BCAR3: variants seen among roughly 807,000 people sequenced by gnomAD.
BCAR3 encodes the protein breast cancer anti-estrogen resistance protein 3.
In BCAR3, 37 loss-of-function variants were observed where a neutral mutation model predicts 80.1. The ratio of observed to expected loss-of-function variants is 0.46; its 90% confidence interval spans 0.36 to 0.61. BCAR3 has a LOEUF of 0.61. BCAR3 is among the 20% of genes least tolerant of loss of function. The pLI, the probability that BCAR3 is intolerant of heterozygous loss-of-function variation, is 0.00. For synonymous variants in BCAR3, 389 were observed against 418.9 expected (o/e 0.93, Z 0.87); for missense variants, 978 against 1,068.2 (o/e 0.92, Z 1.18).
intron 3 of BCAR3, among the ~76,000 whole-genome samples, chr1:93,619,287 A>C (rs1246758661): frequency 6.6e-6 from 1 of 151,982 alleles, no homozygotes; most frequent in African/African-American, 2.4e-5. Flanking sequence ...GATAAGTGGA[A>C]AAGAGGGATG....
At chr1:93,784,787 A>G (rs1335151692) in intron 2 of BCAR3, among the ~76,000 whole-genome samples, 2 of 152,240 alleles carry the variant, frequency 1.3e-5, no homozygotes, top group Non-Finnish European at 2.9e-5. Flanking sequence ...GGTTCTGAAC[A>G]GTGGATGAAC....
chr1:93,626,947 C>T (rs897729412), intron 3 of BCAR3, among the ~76,000 whole-genome samples: 2 of 152,086 alleles, frequency 1.3e-5, no homozygotes, highest in African/African-American at 2.4e-5. Flanking sequence ...TATTCAGACT[C>T]GGGTATTTAT....
chr1:93,693,027 T>C (rs2101965103), intron 3 of BCAR3, among the ~76,000 whole-genome samples: 1 of 152,202 alleles, frequency 6.6e-6, no homozygotes, highest in East Asian at 1.9e-4. Context: ...CCTAGCGCCG[T>C]CCTGGGGCTG....
At chr1:93,821,058 AGCTCTGT>A (rs1654201910) in intron 2 of BCAR3, among the ~76,000 whole-genome samples, 1 of 152,146 alleles carries the variant, frequency 6.6e-6, no homozygotes, top group African/African-American at 2.4e-5. Context: ...GAGTTTTAGG[AGCTCTGT>A]GCTAGGAACT....
chr1:93,618,222 C>T (rs373993839), intron 3 of BCAR3, among the ~76,000 whole-genome samples: 8 of 152,358 alleles, frequency 5.3e-5, no homozygotes, highest in East Asian at 1.9e-4. Context: ...ACAATGCCTG[C>T]GCCCTCTGGC....
chr1:93,567,238 G>A lies in BCAR3; in HGVS notation c.2299+41C>T, dbSNP rs560942634. The A allele has an allele frequency of 1.0e-5, 16 of 1,595,012 alleles. 1 individual carries two copies. In the South Asian group the frequency reaches 1.5e-4, roughly 15 times the overall value. ...TCTTCCATTCCTTCATTTCAATTAC[G>A]ATACAGTGTTAGAGAACAGCTTACA... On this transcript the variant is annotated intron_variant, in intron 11 of 11. Transcript: ENST00000260502.
chr1:93,567,600 A>G, intron 10 of BCAR3, 109 bp from the exon 11 acceptor site: 1 of 1,415,758 alleles, frequency 7.1e-7, no homozygotes, highest in South Asian at 1.3e-5. Flanking sequence ...GCCTTCTACA[A>G]GCAACGCTGT....
At position 93,562,104 on chromosome 1, in the gene BCAR3, G is replaced by A. The variant is rs935576794; in HGVS notation, c.*137C>T. 1.8e-5 allele frequency: 15 copies of A among 839,594 alleles called. No homozygotes were observed. The highest frequency in any genetic ancestry group is 2.8e-4 in the Middle Eastern group (1 of 3,574). The allele number at this position is 839,594 out of a possible 1,614,324, so 52.0% of individuals were successfully genotyped here. A position where few individuals can be genotyped will look rare whatever the true frequency, so the allele number is the denominator to read the frequency against. On this transcript the variant is annotated 3_prime_UTR_variant, in exon 12 of 12. Transcript: ENST00000260502. ...TAAGTGTGCTCTGTGCAATTTACAC[G>A]TTTAATATCCTGTGGATACTAAAAG...
intron 3 of BCAR3, among the ~76,000 whole-genome samples, chr1:93,691,012 T>TTAAGATGAA (rs1649167791): frequency 1.3e-5 from 2 of 152,180 alleles, no homozygotes; most frequent in Admixed American, 1.3e-4. Context: ...AATTAAACCA[T>TTAAGATGAA]TAAGATGAAT....
At chr1:93,653,636 A>G (rs1366825884) in intron 2 of BCAR3, among the ~76,000 whole-genome samples, 3 of 152,226 alleles carry the variant, frequency 2.0e-5, no homozygotes, top group Non-Finnish European at 4.4e-5. Context: ...GAGAGGTTAC[A>G]GCACAGGGCG....
intron 2 of BCAR3, among the ~76,000 whole-genome samples, chr1:93,817,805 T>C (rs1468516516): frequency 6.6e-6 from 1 of 152,192 alleles, no homozygotes; most frequent in East Asian, 1.9e-4. Context: ...CCCACATCCC[T>C]GCCCAGCATC....
Position 93,567,282 on chromosome 1 carries a change from C to G in BCAR3, c.2296G>C (p.Ala766Pro). The G allele has an allele frequency of 1.9e-6, 3 of 1,613,834 alleles. No homozygotes were observed. Among genetic ancestry groups the G allele is most frequent in the Non-Finnish European group, 2.5e-6 (3 of 1,180,014 alleles). Residue 766 changes from alanine to proline, a missense_variant, in exon 11 of 12, where the codon GCA (alanine) becomes CCA (proline). Transcript: ENST00000260502. Reference protein sequence around the residue: ...SYRMNAERILAGFQPDEEMNE... With the variant: ...SYRMNAERILPGFQPDEEMNE... ...GCTTACAAAACCCATCTCTTACCTG[C>G]CAGGATCCTCTCAGCATTCATCCGG... is the stretch of plus-strand genomic sequence containing the variant.
intron 1 of BCAR3, among the ~76,000 whole-genome samples, chr1:93,678,394 A>C (rs1420279071): frequency 6.6e-6 from 1 of 152,232 alleles, no homozygotes; most frequent in Non-Finnish European, 1.5e-5. Context: ...TGTTGGGGAC[A>C]GCATTAAACA....
At chr1:93,709,331 C>T (rs1406138081) in intron 2 of BCAR3, among the ~76,000 whole-genome samples, 1 of 152,210 alleles carries the variant, frequency 6.6e-6, no homozygotes, top group African/African-American at 2.4e-5. Context: ...CTTCTTCTTC[C>T]TGTCCCTCCA....
chr1:93,764,883 C>T lies in BCAR3; in HGVS notation c.-62-58741G>A, dbSNP rs541471498. 1.5e-4 allele frequency among the ~76,000 whole-genome samples: 23 copies of T among 152,196 alleles called. 2 individuals carry two copies. The highest frequency in any genetic ancestry group is 3.9e-4 in the African/African-American group (16 of 41,552). Reference sequence around the variant, plus strand: ...CTGGGTCCAGAGGTTTCCTCTTGCCCGGTCTACCCCAGGCCACATCCACAG... The same window carrying T: ...CTGGGTCCAGAGGTTTCCTCTTGCCTGGTCTACCCCAGGCCACATCCACAG... On this transcript the variant is annotated intron_variant, in intron 2 of 13. Transcript: ENST00000370244.
chr1:93,651,857 C>G (rs950766372), intron 2 of BCAR3, among the ~76,000 whole-genome samples: 2 of 152,198 alleles, frequency 1.3e-5, no homozygotes, highest in Non-Finnish European at 2.9e-5. Flanking sequence ...ATTTAGGATG[C>G]CTCCCAAGCC....
rs139753376 is a variant in BCAR3, at chr1:93,564,667, A to G, written c.2300-2248T>C. On this transcript the variant is annotated intron_variant, in intron 11 of 11. Coordinates refer to ENST00000260502, the MANE Select transcript of BCAR3 (RefSeq NM_003567.4). ...ACTTTAGCTCTTACATTTTGGGTCT[A>G]TGATCCATTTTGGATTATTGTGTAT... Among the ~76,000 whole-genome samples the G allele has an allele frequency of 9.8e-4, 150 of 152,320 alleles. No individual in the cohort carries two copies. In the Middle Eastern group the frequency reaches 0.01, roughly 10 times the overall value.
chr1:93,713,215 T>A (rs1300477658), intron 2 of BCAR3, among the ~76,000 whole-genome samples: 1 of 152,142 alleles, frequency 6.6e-6, no homozygotes, highest in Non-Finnish European at 1.5e-5. Context: ...GACGGCACAC[T>A]CTAGGGTCTT....
At chr1:93,807,776 G>A (rs917258571) in intron 2 of BCAR3, among the ~76,000 whole-genome samples, 9 of 152,136 alleles carry the variant, frequency 5.9e-5, no homozygotes, top group African/African-American at 2.2e-4. Flanking sequence ...GTTCATGGCT[G>A]TAATCTCAAC....
Sources: allele counts gnomAD v4.1 joint callset (sites outside exome capture counted in the v4.1 genomes callset), GRCh38; gene constraint gnomAD v4.1.1; transcripts MANE v1.5; gene names NCBI Gene and HGNC (gene_info 2026-07-23, HGNC 2026-07-21).